Variants in ERC1 observed in about 807,000 individuals in gnomAD.
ERC1 encodes RAB6 interacting protein 2.
A neutral mutation model predicts 132.0 loss-of-function variants in ERC1; 56 were observed. The observed-to-expected ratio is 0.42, with a 90% CI of 0.34 to 0.53. ERC1 has a LOEUF of 0.53. Among genes scored for constraint, ERC1 ranks in the 20% least tolerant of loss-of-function variants. ERC1 has a pLI of 0.03. For missense variants in ERC1, 1,202 were observed against 1,349.9 expected (o/e 0.89, Z 1.72); for synonymous variants, 478 against 476.1 (o/e 1.00, Z -0.05).
chr12:1,251,104 A>G (rs1211000344), intron 13 of ERC1, among the ~76,000 whole-genome samples: 1 of 152,128 alleles, frequency 6.6e-6, no homozygotes, highest in African/African-American at 2.4e-5. Flanking sequence ...CAGTTTCTTC[A>G]TTTTGATAAG....
At chr12:1,081,259 C>T (rs1184998955) in intron 2 of ERC1, among the ~76,000 whole-genome samples, 1 of 151,772 alleles carries the variant, frequency 6.6e-6, no homozygotes, top group African/African-American at 2.4e-5. Context: ...GTTCGTGTAC[C>T]TTCTTTAGGG....
chr12:1,141,587 A>G, intron 7 of ERC1, 33 bp from the exon 8 acceptor site: 1 of 1,549,228 alleles, frequency 6.5e-7, no homozygotes, highest in Non-Finnish European at 8.7e-7. Context: ...TTTTCTTTTT[A>G]ATTCATCACT....
At chr12:1,227,959 C>T (rs2074721679) in intron 12 of ERC1, among the ~76,000 whole-genome samples, 1 of 152,158 alleles carries the variant, frequency 6.6e-6, no homozygotes, top group South Asian at 2.1e-4. Context: ...GACCAATTAA[C>T]TGTAAATGCA....
At chr12:1,063,552 G>A (rs140411914) in intron 2 of ERC1, among the ~76,000 whole-genome samples, 53 of 152,138 alleles carry the variant, frequency 3.5e-4, no homozygotes, top group African/African-American at 1.1e-3. Flanking sequence ...GTGAGCCACC[G>A]CACCTGGCTT....
At chr12:1,078,251 A>G (rs1941648217) in intron 2 of ERC1, among the ~76,000 whole-genome samples, 1 of 152,188 alleles carries the variant, frequency 6.6e-6, no homozygotes, top group Admixed American at 6.5e-5. Context: ...TTTGGGATAT[A>G]TTCACTCAGG....
intron 2 of ERC1, among the ~76,000 whole-genome samples, chr12:1,049,684 A>G (rs1421502626): frequency 2.6e-5 from 4 of 151,360 alleles, no homozygotes; most frequent in Non-Finnish European, 5.9e-5. Flanking sequence ...GAGGTTGGTT[A>G]TCATTGGAAT....
intron 8 of ERC1, among the ~76,000 whole-genome samples, chr12:1,147,837 C>G (rs1950517914): frequency 6.6e-6 from 1 of 152,148 alleles, no homozygotes; most frequent in African/African-American, 2.4e-5. Context: ...CTGTTTGTTG[C>G]TCTAGGCTGA....
chr12:1,259,519 T>TCTTTC (rs1209884313), intron 13 of ERC1, among the ~76,000 whole-genome samples: 43 of 134,422 alleles, frequency 3.2e-4, no homozygotes, highest in Middle Eastern at 3.6e-3. Context: ...TTTCTTTCTT[T>TCTTTC]CTTTTTTTTT....
At chr12:1,281,580 T>G (rs1343807123) in intron 14 of ERC1, among the ~76,000 whole-genome samples, 1 of 152,248 alleles carries the variant, frequency 6.6e-6, no homozygotes, top group African/African-American at 2.4e-5. Context: ...CTGTCCTCCC[T>G]TCTTCCAGGA....
At chr12:1,141,550 C>A in intron 7 of ERC1, 70 bp from the exon 8 acceptor site, 1 of 1,279,196 alleles carries the variant, frequency 7.8e-7, no homozygotes, top group Non-Finnish European at 1.1e-6. Flanking sequence ...ACCTTTATAA[C>A]ATATCTATTT....
intron 18 of ERC1, among the ~76,000 whole-genome samples, chr12:1,468,248 A>G (rs958918415): frequency 5.2e-5 from 7 of 134,552 alleles, no homozygotes; most frequent in African/African-American, 2.3e-4. Context: ...TTAGCACTGT[A>G]TGATACGACA....
intron 15 of ERC1, among the ~76,000 whole-genome samples, chr12:1,312,351 T>C (rs75416948): frequency 0.021 from 3,201 of 152,238 alleles, 111 homozygotes; most frequent in African/African-American, 0.072. Context: ...TCCTTGACAT[T>C]GTATTATTTG....
In ERC1 at chr12:1,363,543, C is replaced by CTT. The variant is rs34769986; in HGVS notation, c.2781-8267_2781-8266dup. The stretch of plus-strand genomic sequence containing the variant: ...ATTCCCTTGTAAGTGTATTTCTTTC[C>CTT]TTTTTTTTTTTTTTTTTTTTTTTTC... On this transcript the variant is annotated intron_variant, in intron 15 of 18. Transcript: ENST00000360905. Among the ~76,000 whole-genome samples the CTT allele has an allele frequency of 6.5e-3, 615 of 94,338 alleles. 15 individuals carry two copies. The highest frequency in any genetic ancestry group is 8.8e-3 in the Non-Finnish European group (416 of 47,450). The allele number at this position is 94,338 out of a possible 152,430, so 61.9% of individuals were successfully genotyped here. A position where few individuals can be genotyped will look rare whatever the true frequency, so the allele number is the denominator to read the frequency against.
At chr12:1,204,416 G>A (rs1594202047) in intron 12 of ERC1, 1 of 1,158,072 alleles carries the variant, frequency 8.6e-7, no homozygotes. Flanking sequence ...TGATGTCCAT[G>A]AATAATATTT....
intron 15 of ERC1, among the ~76,000 whole-genome samples, chr12:1,340,369 A>C (rs930052860): frequency 1.3e-5 from 2 of 152,090 alleles, no homozygotes; most frequent in East Asian, 3.9e-4. Context: ...TTCCCTAGCC[A>C]TGCTCCACTA....
At chr12:1,004,945 T>C (rs779654321) in intron 1 of ERC1, among the ~76,000 whole-genome samples, 1 of 151,992 alleles carries the variant, frequency 6.6e-6, no homozygotes, top group African/African-American at 2.4e-5. Flanking sequence ...TAACTTCTGA[T>C]TCATCATTAA....
intron 15 of ERC1, among the ~76,000 whole-genome samples, chr12:1,295,202 G>A (rs2079821381): frequency 6.6e-6 from 1 of 152,110 alleles, no homozygotes; most frequent in Non-Finnish European, 1.5e-5. Flanking sequence ...TTTTGTGTTC[G>A]TACCTGGAGA....
chr12:1,074,888 G>A (rs1941077692), intron 2 of ERC1, among the ~76,000 whole-genome samples: 1 of 151,938 alleles, frequency 6.6e-6, no homozygotes, highest in Admixed American at 6.6e-5. Context: ...CCAAATAATG[G>A]GTGAGAATGT....
chr12:1,241,466 T>TAG (rs555834997), intron 13 of ERC1, among the ~76,000 whole-genome samples: 100 of 152,304 alleles, frequency 6.6e-4, no homozygotes, highest in Non-Finnish European at 1.2e-3. Context: ...ATTTTGTTGT[T>TAG]TAAACATCTT....
Sources: allele counts gnomAD v4.1 joint callset (sites outside exome capture counted in the v4.1 genomes callset), GRCh38; gene constraint gnomAD v4.1.1; transcripts MANE v1.5; gene names NCBI Gene and HGNC (gene_info 2026-07-23, HGNC 2026-07-21).